Variants in EPHA5 observed in about 807,000 individuals in gnomAD.
EPHA5 encodes EPH receptor A5, also known as ephrin type-A receptor 5.
A neutral mutation model predicts 105.0 loss-of-function variants in EPHA5; 60 were observed. That is an observed-to-expected ratio of 0.57 (90% confidence interval 0.46 to 0.71). EPHA5 has a LOEUF of 0.71. EPHA5 is among the 30% of genes least tolerant of loss of function. The probability of loss-of-function intolerance (pLI) is 0.00; values close to 1 mark genes in which losing one functional copy is unlikely to be tolerated. For missense variants in EPHA5, 1,218 were observed against 1,274.7 expected (o/e 0.96, Z 0.68); for synonymous variants, 513 against 449.1 (o/e 1.14, Z -1.80).
intron 3 of EPHA5, among the ~76,000 whole-genome samples, chr4:65,519,496 C>T (rs1355665267): frequency 1.3e-5 from 2 of 152,240 alleles, no homozygotes; most frequent in Middle Eastern, 3.4e-3. Flanking sequence ...CTCACCACTC[C>T]TCTTCAACAT....
intron 3 of EPHA5, among the ~76,000 whole-genome samples, chr4:65,539,162 A>G (rs968057095): frequency 2.0e-5 from 3 of 151,626 alleles, no homozygotes; most frequent in Non-Finnish European, 3.0e-5. Context: ...AAAATGGGGA[A>G]AAAAGTTTCC....
At chr4:65,526,657 G>C (rs115780608) in intron 3 of EPHA5, among the ~76,000 whole-genome samples, 1 of 151,720 alleles carries the variant, frequency 6.6e-6, no homozygotes, top group Non-Finnish European at 1.5e-5. Context: ...AAATCATTTA[G>C]AGCAATAAAT....
intron 5 of EPHA5, among the ~76,000 whole-genome samples, chr4:65,479,830 C>G (rs921499383): frequency 6.6e-6 from 1 of 152,016 alleles, no homozygotes; most frequent in African/African-American, 2.4e-5. Flanking sequence ...AAATAAAAAA[C>G]ATATGCGTAT....
intron 5 of EPHA5, among the ~76,000 whole-genome samples, chr4:65,473,864 T>C (rs1729527464): frequency 7.2e-6 from 1 of 139,390 alleles, no homozygotes; most frequent in Non-Finnish European, 1.5e-5. Flanking sequence ...TCCTCATTAC[T>C]CTTTCAATGT....
chr4:65,336,065 G>C lies in EPHA5; in HGVS notation c.2656C>G (p.Leu886Val), dbSNP rs747056219. The C allele has an allele frequency of 9.3e-6, 15 of 1,613,250 alleles. No individual in the cohort carries two copies. Among genetic ancestry groups the C allele is most frequent in the East Asian group, 2.2e-5 (1 of 44,814 alleles). The change falls in exon 15 of 17, where the codon CTC (leucine) becomes GTC (valine). Residue 886 changes from leucine to valine, a missense_variant. Around this residue, in one of 3 missense-constraint regions of EPHA5, gnomAD observed 971 missense variants for 1,013.5 expected, o/e 0.96. Coordinates refer to ENST00000613740, the MANE Select transcript of EPHA5 (RefSeq NM_001281766.3). ...CAGCAATCCAGCATTAACTGATAGA[G>C]AGCAGCAGGACAATCCATGGGGCTT... ...LPSPMDCPAA[L>V]YQLMLDCWQK...
At chr4:65,496,719 A>T (rs1295497224) in intron 3 of EPHA5, among the ~76,000 whole-genome samples, 1 of 152,086 alleles carries the variant, frequency 6.6e-6, no homozygotes, top group Non-Finnish European at 1.5e-5. Flanking sequence ...GAGAAGCATG[A>T]TTTACAGTCC....
intron 8 of EPHA5, among the ~76,000 whole-genome samples, chr4:65,402,461 T>C (rs1487597556): frequency 6.6e-6 from 1 of 152,156 alleles, no homozygotes; most frequent in Non-Finnish European, 1.5e-5. Flanking sequence ...TAAGAATCCA[T>C]AGTAAAATGT....
chr4:65,472,823 C>G (rs1225875067), intron 5 of EPHA5, among the ~76,000 whole-genome samples: 2 of 152,164 alleles, frequency 1.3e-5, no homozygotes, highest in Non-Finnish European at 2.9e-5. Flanking sequence ...TCTGACAGGC[C>G]CTGGACACAT....
intron 5 of EPHA5, among the ~76,000 whole-genome samples, chr4:65,428,603 C>G (rs1407508913): frequency 1.3e-5 from 2 of 151,968 alleles, no homozygotes; most frequent in Admixed American, 1.3e-4. Context: ...CCTTAAATGT[C>G]AGTAGTTCTA....
In EPHA5 at chr4:65,493,000, A is replaced by T. The variant is rs1449439827; in HGVS notation, c.1067-2288T>A. On this transcript the variant is annotated intron_variant, in intron 4 of 16. Transcript: ENST00000613740. ...TCTGTTTTGTTTTGTTTTGTTTTTT[A>T]ATTTCTGCCAACTGAAAAATCCTTG... 1.3e-4 allele frequency among the ~76,000 whole-genome samples: 11 copies of T among 82,714 alleles called. No individual in the cohort carries two copies. The East Asian group carries it at 1.8e-3, about 13-fold the overall frequency. 54.3% of individuals were successfully genotyped at this position (82,714 alleles called of 152,430 possible).
intron 5 of EPHA5, among the ~76,000 whole-genome samples, chr4:65,457,657 T>C (rs1265919832): frequency 2.2e-4 from 33 of 151,960 alleles, no homozygotes; most frequent in Non-Finnish European, 2.9e-5. Flanking sequence ...AAATTATTAC[T>C]TTTTGGTCAA....
chr4:65,471,529 C>T (rs904882328), intron 5 of EPHA5, among the ~76,000 whole-genome samples: 1 of 152,088 alleles, frequency 6.6e-6, no homozygotes, highest in African/African-American at 2.4e-5. Flanking sequence ...AAAGATACTA[C>T]CTGAGACTGG....
chr4:65,467,849 AG>A (rs1276804207), intron 5 of EPHA5, among the ~76,000 whole-genome samples: 1 of 152,172 alleles, frequency 6.6e-6, no homozygotes, highest in East Asian at 1.9e-4. Context: ...AGAAGTGAAG[AG>A]GGGGGCTGAA....
chr4:65,467,644 C>T (rs1415571963), intron 5 of EPHA5, among the ~76,000 whole-genome samples: 1 of 152,148 alleles, frequency 6.6e-6, no homozygotes, highest in Non-Finnish European at 1.5e-5. Flanking sequence ...TAGATCACTT[C>T]CACAGAGCCA....
chr4:65,559,811 A>T lies in EPHA5; in HGVS notation c.910+41830T>A, dbSNP rs571600965. ...AATGGAAAACAACATTTCTTTGCTG[A>T]TTTTGTAATTGCTGACATTTTTCTT... On this transcript the variant is annotated intron_variant, in intron 3 of 16. Transcript: ENST00000613740. Among the ~76,000 whole-genome samples the T allele has an allele frequency of 1.1e-4, 16 of 152,280 alleles. No individual in the cohort carries two copies. The East Asian group carries it at 3.1e-3, about 29-fold the overall frequency.
intron 2 of EPHA5, among the ~76,000 whole-genome samples, chr4:65,641,010 T>C (rs1431048703): frequency 6.6e-6 from 1 of 152,154 alleles, no homozygotes; most frequent in Non-Finnish European, 1.5e-5. Context: ...CCTCTCTTTT[T>C]GACAAATTCC....
chr4:65,435,241 C>T (rs1029832212), intron 5 of EPHA5, among the ~76,000 whole-genome samples: 6 of 152,040 alleles, frequency 3.9e-5, no homozygotes, highest in African/African-American at 1.2e-4. Flanking sequence ...GTGTAATAGG[C>T]GTCTTGGATC....
intron 7 of EPHA5, among the ~76,000 whole-genome samples, chr4:65,411,247 C>A (rs189031572): frequency 3.3e-5 from 5 of 151,852 alleles, no homozygotes; most frequent in Non-Finnish European, 5.9e-5. Flanking sequence ...AAAAGTTTTG[C>A]GTTTCCTGTT....
chr4:65,437,403 G>C (rs1725579637), intron 5 of EPHA5, among the ~76,000 whole-genome samples: 1 of 151,810 alleles, frequency 6.6e-6, no homozygotes, highest in Non-Finnish European at 1.5e-5. Flanking sequence ...ATTAAAATTA[G>C]GCATTTGTTT....
Sources: gnomAD v4.1 joint callset for allele counts (sites outside exome capture counted in the v4.1 genomes callset) on GRCh38, gnomAD v4.1.1 for gene constraint, gnomAD v4.1.1 regional missense constraint, MANE v1.5 for transcripts, NCBI Gene and HGNC (gene_info 2026-07-23, HGNC 2026-07-21) for gene names.